The following SYNE1 variants were observed in gnomAD, a reference collection of about 807,000 sequenced individuals.
SYNE1 encodes the protein nesprin-1.
SYNE1 carries 616 observed loss-of-function variants against 1,111.0 expected under a neutral mutation model. The ratio of observed to expected loss-of-function variants is 0.55; its 90% CI spans 0.52 to 0.59. The LOEUF (loss-of-function observed/expected upper bound fraction) is 0.59. Ranked by LOEUF, SYNE1 falls within the 20% of genes least tolerant of loss-of-function variation. The pLI, the probability that SYNE1 is intolerant of heterozygous loss-of-function variation, is 0.00. For missense variants in SYNE1, 10,006 were observed against 10,417.0 expected, an observed-to-expected ratio of 0.96 and a Z score of 1.72; for synonymous variants, 3,855 against 3,825.8, an observed-to-expected ratio of 1.01 and a Z score of -0.28.
At chr6:152,173,667 GT>G (rs1563215348) in intron 130 of SYNE1, among the ~76,000 whole-genome samples, 1 of 152,204 alleles carries the variant, frequency 6.6e-6, no homozygotes, top group Non-Finnish European at 1.5e-5. Context: ...CTAACATGGT[GT>G]TAAACTCCAG....
intron 53 of SYNE1, among the ~76,000 whole-genome samples, chr6:152,388,527 A>C (rs992007786): frequency 6.6e-6 from 1 of 152,164 alleles, no homozygotes; most frequent in Non-Finnish European, 1.5e-5. Context: ...TCAAACTCCT[A>C]GGCTTAAGCA....
intron 5 of SYNE1, among the ~76,000 whole-genome samples, chr6:152,522,757 G>T (rs983374423): frequency 5.3e-5 from 8 of 152,084 alleles, no homozygotes; most frequent in African/African-American, 2.4e-5. Context: ...TCTTGCAGGG[G>T]TAAGGTGGTA....
At chr6:152,243,685 T>C (rs939296187) in intron 106 of SYNE1, among the ~76,000 whole-genome samples, 2 of 152,244 alleles carry the variant, frequency 1.3e-5, no homozygotes, top group Non-Finnish European at 2.9e-5. Context: ...AATGTTCTTT[T>C]GTTTATAAGG....
intron 128 of SYNE1, among the ~76,000 whole-genome samples, chr6:152,183,680 T>C (rs1246192570): frequency 6.6e-6 from 1 of 152,162 alleles, no homozygotes; most frequent in African/African-American, 2.4e-5. Flanking sequence ...ATCTTGGCCA[T>C]AAGCCAAGAA....
intron 126 of SYNE1, among the ~76,000 whole-genome samples, chr6:152,202,167 T>G (rs2075603975): frequency 1.3e-5 from 2 of 151,678 alleles, no homozygotes; most frequent in Non-Finnish European, 2.9e-5. Flanking sequence ...GCCAACATGG[T>G]GAAACCTTGT....
At position 152,560,990 on chromosome 6, in the gene SYNE1, T is replaced by C. The variant is rs78821576; in HGVS notation, c.68-20969A>G. Among the ~76,000 whole-genome samples the C allele has an allele frequency of 3.1e-4, 47 of 152,242 alleles. No individual in the cohort carries two copies. The East Asian group carries it at 8.9e-3, about 29-fold the overall frequency. On this transcript the variant is annotated intron_variant, in intron 3 of 145. Coordinates refer to ENST00000367255, the MANE Select transcript of SYNE1 (RefSeq NM_182961.4). ...ATGGTAAAATGTTGAACATTTTTCC[T>C]CCAAGATCAGTGAAAAGACAAGGCT...
chr6:152,616,783 CCCAAGTCCT>C, intron 3 of SYNE1, among the ~76,000 whole-genome samples: 1 of 152,252 alleles, frequency 6.6e-6, no homozygotes, highest in South Asian at 2.1e-4. Flanking sequence ...TCTTCAGGGT[CCCAAGTCCT>C]CCAAATTCTG....
intron 74 of SYNE1, among the ~76,000 whole-genome samples, chr6:152,341,772 T>G (rs567301728): frequency 6.6e-6 from 1 of 152,286 alleles, no homozygotes; most frequent in South Asian, 2.1e-4. Flanking sequence ...AACCGTGACT[T>G]CTTTAAGCAG....
chr6:152,538,204 C>T (rs891062436), intron 4 of SYNE1, among the ~76,000 whole-genome samples: 1 of 152,134 alleles, frequency 6.6e-6, no homozygotes, highest in African/African-American at 2.4e-5. Flanking sequence ...AGAAATTTAT[C>T]CTAAGAAGAA....
chr6:152,520,360 T>C, intron 6 of SYNE1, 99 bp downstream of exon 6: 1 of 1,110,524 alleles, frequency 9.0e-7, no homozygotes. Context: ...ATAGATTACA[T>C]GCCATCCTCC....
rs746477050 is a variant in SYNE1, at chr6:152,463,364, C to T, written c.2086G>A (p.Glu696Lys). The stretch of plus-strand genomic sequence containing the variant: ...CTTGAAAGACATACTTGCTTGACTT[C>T]CATAAACAACTCCCTCCACCGCCCA... ...LNGRWRELFMEVKQYAQADEM... is the reference protein window; with the variant it reads ...LNGRWRELFMKVKQYAQADEM... The change falls in exon 19 of 146, where the codon GAA becomes AAA. Residue 696 changes from glutamate (E) to lysine (K), a missense_variant. Around this residue, in one of 7 missense-constraint regions of SYNE1, gnomAD observed 1,971 missense variants for 2,084.1 expected, o/e 0.95. Transcript: ENST00000367255. 5.0e-6 allele frequency: 8 copies of T among 1,613,626 alleles called. No individual in the cohort carries two copies. Among genetic ancestry groups the T allele is most frequent in the Non-Finnish European group, 6.8e-6 (8 of 1,179,748 alleles).
Position 152,148,568 on chromosome 6 carries a change from G to A in SYNE1, c.24643-190C>T, listed in dbSNP as rs718529. On this transcript the variant is annotated intron_variant, in intron 136 of 145. Transcript: ENST00000367255. This position sits in a 1 kb window ranked among gnomAD's most constrained non-coding sequence, Gnocchi z 4.1. ...CTGTCTGGGTTGAAATCTCAGTTAC[G>A]CTGTGTGCTTCCTGTTTAAGCTTGG... Among the ~76,000 whole-genome samples the A allele has an allele frequency of 2.3e-3, 347 of 152,200 alleles. 4 individuals are homozygous for A. The highest frequency in any genetic ancestry group is 0.022 in the East Asian group (112 of 5,178).
rs1403988912 is a variant in SYNE1, at chr6:152,121,722, A to C, written c.*714T>G. 1 of 152,616 alleles carries C rather than the reference A, an allele frequency of 6.6e-6. No individual in the cohort carries two copies. The highest frequency in any genetic ancestry group is 1.5e-5 in the Non-Finnish European group (1 of 68,068). 9.5% of individuals were successfully genotyped at this position (152,616 alleles called of 1,614,324 possible). A position where few individuals can be genotyped will look rare whatever the true frequency, so the allele number is the denominator to read the frequency against. On this transcript the variant is annotated 3_prime_UTR_variant, in exon 146 of 146. Transcript: ENST00000367255. ...TATCTATAATAAATGCAAAGAAATC[A>C]ATACAAACAAAACTTGGCTTTAGCA...
At chr6:152,509,412 A>C (rs1408984659) in intron 8 of SYNE1, among the ~76,000 whole-genome samples, 1 of 151,610 alleles carries the variant, frequency 6.6e-6, no homozygotes, top group East Asian at 1.9e-4. Context: ...ACGCGCCACC[A>C]CGCCCAGCTA....
Position 152,362,232 on chromosome 6 carries a change from T to A in SYNE1, c.10237A>T (p.Asn3413Tyr). 1.2e-6 allele frequency: 2 copies of A among 1,614,236 alleles called. No individual in the cohort carries two copies. Among genetic ancestry groups the A allele is most frequent in the Non-Finnish European group, 1.7e-6 (2 of 1,180,050 alleles). ...GWMDSMEANL[N>Y]ESERQHAELR... is the part of the protein sequence containing the mutation. Reference sequence around the variant, plus strand: ...TCCGCATGCTGCCTTTCTGATTCATTCAGGTTGGCTTCCATACTATCCATC... The same window carrying A: ...TCCGCATGCTGCCTTTCTGATTCATACAGGTTGGCTTCCATACTATCCATC... The change falls in exon 64 of 146, where the codon AAT (asparagine) becomes TAT (tyrosine). Residue 3413 changes from asparagine to tyrosine, a missense_variant. Around this residue, in one of 7 missense-constraint regions of SYNE1, gnomAD observed 4,955 missense variants for 5,017.2 expected, o/e 0.99. Coordinates refer to ENST00000367255, the MANE Select transcript of SYNE1 (RefSeq NM_182961.4).
intron 4 of SYNE1, among the ~76,000 whole-genome samples, chr6:152,527,389 CAG>C (rs1385821419): frequency 4.6e-5 from 7 of 152,132 alleles, no homozygotes; most frequent in South Asian, 2.1e-4. Context: ...TCAAAAATAA[CAG>C]AGTTTTCATT....
intron 3 of SYNE1, among the ~76,000 whole-genome samples, chr6:152,556,761 C>A (rs1470423838): frequency 6.6e-6 from 1 of 152,160 alleles, no homozygotes; most frequent in African/African-American, 2.4e-5. Context: ...ATCCATGAAC[C>A]CTTCCAGCTG....
chr6:152,637,062 C>G (rs2099706987), intron 1 of SYNE1, 127 bp downstream of exon 1: 1 of 152,450 alleles, frequency 6.6e-6, no homozygotes, highest in African/African-American at 2.4e-5. Context: ...GGCAGGGTCC[C>G]TGCACCGCCC....
chr6:152,347,681 T>TG (rs2096661807), intron 72 of SYNE1, among the ~76,000 whole-genome samples: 3 of 113,452 alleles, frequency 2.6e-5, no homozygotes, highest in African/African-American at 9.6e-5. Context: ...TTTTTGTCAT[T>TG]CTTTTTTTTT....
Sources: gnomAD v4.1 joint callset for allele counts (sites outside exome capture counted in the v4.1 genomes callset) on GRCh38, gnomAD v4.1.1 for gene constraint, gnomAD v4.1.1 regional missense constraint, Gnocchi (gnomAD v3.1) non-coding constraint, MANE v1.5 for transcripts, NCBI Gene and HGNC (gene_info 2026-07-23, HGNC 2026-07-21) for gene names.